The following ABCA1 variants were observed in gnomAD, a reference collection of about 807,000 sequenced individuals.
ABCA1 encodes the protein phospholipid-transporting ATPase ABCA1.
Under a neutral mutation model 262.5 loss-of-function variants are expected in ABCA1, and 133 were observed. The observed-to-expected ratio is 0.51, with a 90% confidence interval of 0.44 to 0.59. The LOEUF (loss-of-function observed/expected upper bound fraction) is 0.59, where lower values mean the gene tolerates loss of function less well. Among genes scored for constraint, ABCA1 ranks in the 20% least tolerant of loss-of-function variants. ABCA1 has a pLI of 0.00. For synonymous variants in ABCA1, 1,022 were observed against 1,043.5 expected, an observed-to-expected ratio of 0.98 and a Z score of 0.40; for missense variants, 2,452 against 2,777.5, an observed-to-expected ratio of 0.88 and a Z score of 2.63.
intron 1 of ABCA1, among the ~76,000 whole-genome samples, chr9:104,911,952 G>C (rs1246936994): frequency 6.6e-6 from 1 of 152,162 alleles, no homozygotes; most frequent in African/African-American, 2.4e-5. Flanking sequence ...TATAGATCCA[G>C]TGAATTTTAT....
At chr9:104,814,368 C>T in intron 26 of ABCA1, 59 bp downstream of exon 26, 1 of 1,592,720 alleles carries the variant, frequency 6.3e-7, no homozygotes. Flanking sequence ...TACTCGTGCA[C>T]TGAGAAAGCC....
intron 19 of ABCA1, among the ~76,000 whole-genome samples, chr9:104,821,788 G>A (rs1365081491): frequency 1.3e-5 from 2 of 152,208 alleles, no homozygotes; most frequent in South Asian, 2.1e-4. Context: ...TATTTTGTAT[G>A]CCTAACATCG....
Position 104,888,234 on chromosome 9 carries a change from C to T in ABCA1, c.160+868G>A, listed in dbSNP as rs543484902. Among the ~76,000 whole-genome samples, 6 of 152,262 alleles carry T rather than the reference C, an allele frequency of 3.9e-5. No individual in the cohort carries two copies. In the East Asian group the frequency reaches 9.6e-4, roughly 24 times the overall value. Reference sequence around the variant, plus strand: ...CTGCTTTCCTGGAAGAACAGTATCTCATAAGCTTGTGGGTCTCGTAGGGGT... The same window carrying T: ...CTGCTTTCCTGGAAGAACAGTATCTTATAAGCTTGTGGGTCTCGTAGGGGT... On this transcript the variant is annotated intron_variant, in intron 3 of 49. Transcript: ENST00000374736.
At chr9:104,818,548 A>C in intron 23 of ABCA1, 115 bp downstream of exon 23, 1 of 975,288 alleles carries the variant, frequency 1.0e-6, no homozygotes, top group Non-Finnish European at 1.6e-6. Flanking sequence ...GCAACAGAGC[A>C]GGGAGATGGT....
chr9:104,911,195 A>G (rs1841475586), intron 1 of ABCA1, among the ~76,000 whole-genome samples: 1 of 152,238 alleles, frequency 6.6e-6, no homozygotes, highest in African/African-American at 2.4e-5. Context: ...TTGGTGCCAA[A>G]GCTCTGATTG....
intron 1 of ABCA1, 178 bp downstream of exon 1, chr9:104,927,757 A>G (rs996285334): frequency 6.6e-5 from 10 of 152,302 alleles, no homozygotes; most frequent in African/African-American, 2.2e-4. Context: ...TGGGGTCACC[A>G]GAGCTCGTAC....
intron 8 of ABCA1, among the ~76,000 whole-genome samples, chr9:104,842,009 A>G (rs973127680): frequency 6.6e-6 from 1 of 152,226 alleles, no homozygotes; most frequent in Non-Finnish European, 1.5e-5. Context: ...GGGGAGGGGA[A>G]GGGCCACGAG....
At chr9:104,881,195 C>T (rs1229019959) in intron 5 of ABCA1, among the ~76,000 whole-genome samples, 1 of 152,098 alleles carries the variant, frequency 6.6e-6, no homozygotes, top group Non-Finnish European at 1.5e-5. Flanking sequence ...TGTTTTAAGG[C>T]AGTCTCCTCC....
intron 30 of ABCA1, 117 bp from the exon 31 acceptor site, chr9:104,806,547 T>C: frequency 9.8e-7 from 1 of 1,019,344 alleles, no homozygotes. Flanking sequence ...CCCTCACCAT[T>C]TGGAAAAGAC....
intron 5 of ABCA1, among the ~76,000 whole-genome samples, chr9:104,882,182 A>T (rs1838740087): frequency 6.6e-6 from 1 of 152,176 alleles, no homozygotes; most frequent in Non-Finnish European, 1.5e-5. Context: ...CACCAAACGG[A>T]ATAAAAAGCA....
chr9:104,795,040 G>A (rs767492828), intron 39 of ABCA1, among the ~76,000 whole-genome samples: 1 of 152,252 alleles, frequency 6.6e-6, no homozygotes, highest in Non-Finnish European at 1.5e-5. Flanking sequence ...CTCCGAGTAG[G>A]AAAAGTATGT....
In ABCA1 at chr9:104,784,256, G is replaced by T. The variant is rs1828710852; in HGVS notation, c.*59C>A. On this transcript the variant is annotated 3_prime_UTR_variant, in exon 50 of 50. Transcript: ENST00000374736. ...CTCTTTTCTCCACAACACTTCACAT[G>T]GTGCAAAGGAAAGTCTAGTTCCTCT... The T allele has an allele frequency of 1.2e-6, 2 of 1,606,532 alleles. No homozygotes were observed. The highest frequency in any genetic ancestry group is 1.7e-5 in the Admixed American group (1 of 59,954).
chr9:104,833,668 G>T (rs1833547076), intron 11 of ABCA1, among the ~76,000 whole-genome samples: 1 of 152,168 alleles, frequency 6.6e-6, no homozygotes, highest in African/African-American at 2.4e-5. Context: ...CCAGTCTGTT[G>T]ATCCCACATA....
intron 8 of ABCA1, among the ~76,000 whole-genome samples, chr9:104,843,003 C>T (rs1045428915): frequency 4.6e-5 from 7 of 152,210 alleles, no homozygotes; most frequent in Admixed American, 4.6e-4. Flanking sequence ...ATCTGCCATT[C>T]TTCCTGTTCG....
At chr9:104,816,412 T>TCC in intron 24 of ABCA1, 67 bp from the exon 25 acceptor site, 1 of 1,461,988 alleles carries the variant, frequency 6.8e-7, no homozygotes, top group Non-Finnish European at 9.6e-7. Context: ...GGGCTGGCCA[T>TCC]CCCCCACCCT....
chr9:104,858,545 T>C lies in ABCA1; in HGVS notation c.697A>G (p.Met233Val), dbSNP rs1215675044. The C allele has an allele frequency of 3.7e-6, 6 of 1,614,070 alleles. No individual in the cohort carries two copies. Among genetic ancestry groups the C allele is most frequent in the Non-Finnish European group, 3.4e-6 (4 of 1,180,030 alleles). The part of the protein sequence containing the change: ...AAAERVLRSN[M>V]DILKPILRTL... ...ACCAGGATTGGCTTCAGGATGTCCA[T>C]GTTGGAACGAAGTACTCGCTCTGCT... The change falls in exon 7 of 50, where the codon ATG (methionine) becomes GTG (valine). Residue 233 changes from methionine (M) to valine (V), a missense_variant. Physicochemically the swap from Met to Val is conservative, Grantham distance 21. This residue lies in a region of ABCA1 where 1,032 missense variants were observed against 1,089.7 expected (regional missense o/e 0.95). Coordinates refer to ENST00000374736, the MANE Select transcript of ABCA1 (RefSeq NM_005502.4).
At chr9:104,833,473 GC>G (rs1174128139) in intron 11 of ABCA1, among the ~76,000 whole-genome samples, 3 of 152,132 alleles carry the variant, frequency 2.0e-5, no homozygotes, top group Admixed American at 6.5e-5. Context: ...CAAGCCACCA[GC>G]CCAGTGAGTA....
In ABCA1 at chr9:104,832,575, T is replaced by A; in HGVS notation, c.1508A>T (p.Glu503Val). The A allele has an allele frequency of 6.2e-7, 1 of 1,614,160 alleles. No homozygotes were observed. Among genetic ancestry groups the A allele is most frequent in the Non-Finnish European group, 8.5e-7 (1 of 1,180,012 alleles). The part of the protein sequence containing the change: ...QAIRTISRFM[E>V]CVNLNKLEPI... ...AAATGATCCCAGCAACAGATTCACCTCCATGAAGCGAGATATGGTCCGGAT... is the reference window on the plus strand; with the variant it reads ...AAATGATCCCAGCAACAGATTCACCACCATGAAGCGAGATATGGTCCGGAT... The change falls in exon 12 of 50, where the codon GAG becomes GTG. Residue 503 changes from glutamate to valine, a missense_variant and splice_region_variant. Transcript: ENST00000374736.
intron 8 of ABCA1, among the ~76,000 whole-genome samples, chr9:104,844,415 T>C (rs1341698547): frequency 1.3e-5 from 2 of 151,900 alleles, no homozygotes; most frequent in Non-Finnish European, 1.5e-5. Flanking sequence ...CAGAAACACG[T>C]GAGCAGAATT....
Sources: allele counts gnomAD v4.1 joint callset (sites outside exome capture counted in the v4.1 genomes callset), GRCh38; gene constraint gnomAD v4.1.1; regional missense constraint gnomAD v4.1.1; transcripts MANE v1.5; gene names NCBI Gene and HGNC (gene_info 2026-07-23, HGNC 2026-07-21).